Variants in DNAH6 observed in about 807,000 individuals in gnomAD.
DNAH6 encodes the protein dynein axonemal heavy chain 6, also known as axonemal beta dynein heavy chain 6.
Under a neutral mutation model 491.4 loss-of-function variants are expected in DNAH6, and 340 were observed. The ratio of observed to expected loss-of-function variants is 0.69; its 90% CI spans 0.63 to 0.76. The LOEUF (loss-of-function observed/expected upper bound fraction) is 0.76. Ranked by LOEUF, DNAH6 falls within the 30% of genes least tolerant of loss-of-function variation. DNAH6 has a pLI of 0.00. For missense variants in DNAH6, 4,443 were observed against 4,972.2 expected (o/e 0.89, Z 3.20); for synonymous variants, 1,603 against 1,686.1 (o/e 0.95, Z 1.21).
intron 70 of DNAH6, among the ~76,000 whole-genome samples, 192 bp from the exon 71 acceptor site, chr2:84,805,473 G>A (rs927638962): frequency 5.3e-5 from 8 of 152,286 alleles, no homozygotes; most frequent in Non-Finnish European, 1.2e-4. Flanking sequence ...CCTATAGTCA[G>A]CAATAATTAC....
In DNAH6 at chr2:84,529,186, G is replaced by A. The variant is rs1299177828; in HGVS notation, c.662+20G>A. 7 of 1,480,844 alleles carry A rather than the reference G, an allele frequency of 4.7e-6. No homozygotes were observed. In the East Asian group the frequency reaches 1.5e-4, roughly 32 times the overall value. The allele number at this position is 1,480,844 out of a possible 1,614,324, so 91.7% of individuals were successfully genotyped here. A position where few individuals can be genotyped will look rare whatever the true frequency, so the allele number is the denominator to read the frequency against. ...TCTAAAGTGAGTTATTTTTTATGAT[G>A]CAATTTAACATAAAAATTACAAATA... On this transcript the variant is annotated intron_variant, in intron 4 of 76. Transcript: ENST00000389394.
intron 64 of DNAH6, among the ~76,000 whole-genome samples, chr2:84,776,585 G>T (rs555846329): frequency 8.5e-5 from 13 of 152,326 alleles, no homozygotes; most frequent in African/African-American, 2.6e-4. Flanking sequence ...TCTAGTTCTA[G>T]ATCCTTGAGG....
chr2:84,702,771 C>T (rs967845729), intron 49 of DNAH6, among the ~76,000 whole-genome samples: 22 of 152,080 alleles, frequency 1.4e-4, no homozygotes, highest in African/African-American at 5.1e-4. Context: ...AATCTGACCT[C>T]GTGATCCGCC....
At chr2:84,790,375 A>G (rs1160906149) in intron 68 of DNAH6, among the ~76,000 whole-genome samples, 1 of 152,228 alleles carries the variant, frequency 6.6e-6, no homozygotes, top group Non-Finnish European at 1.5e-5. Context: ...CACAAAAAAG[A>G]AAAAATAAAT....
At chr2:84,517,542 A>G (rs1201277537) in intron 1 of DNAH6, among the ~76,000 whole-genome samples, 1 of 152,196 alleles carries the variant, frequency 6.6e-6, no homozygotes, top group African/African-American at 2.4e-5. Context: ...CCAGATGAGC[A>G]GCAGCAGCAG....
chr2:84,683,920 C>G (rs2104744867), intron 42 of DNAH6, among the ~76,000 whole-genome samples: 1 of 152,280 alleles, frequency 6.6e-6, no homozygotes, highest in South Asian at 2.1e-4. Context: ...TGGGAATGAA[C>G]TGGGAGATGC....
At chr2:84,798,486 G>A (rs1678550872) in intron 70 of DNAH6, among the ~76,000 whole-genome samples, 1 of 152,166 alleles carries the variant, frequency 6.6e-6, no homozygotes, top group African/African-American at 2.4e-5. Flanking sequence ...TTGCTGTGCT[G>A]TGCAGCTGCA....
At chr2:84,634,144 C>T (rs1688651122) in intron 29 of DNAH6, among the ~76,000 whole-genome samples, 1 of 152,126 alleles carries the variant, frequency 6.6e-6, no homozygotes, top group African/African-American at 2.4e-5. Context: ...TGAAAGCTTC[C>T]ATTAGTAAAA....
chr2:84,786,293 GCA>G (rs1677179805), intron 67 of DNAH6, among the ~76,000 whole-genome samples: 7 of 152,012 alleles, frequency 4.6e-5, no homozygotes. Context: ...AGGCATGGTG[GCA>G]CACACCTGTA....
At chr2:84,729,485 A>G (rs539963757) in intron 61 of DNAH6, among the ~76,000 whole-genome samples, 44 of 152,272 alleles carry the variant, frequency 2.9e-4, no homozygotes, top group Middle Eastern at 6.8e-3. Context: ...CTCTGCTTAC[A>G]GTTTTCTCAA....
chr2:84,478,291 C>T, the DNAH6 span, among the ~76,000 whole-genome samples: 1 of 152,214 alleles, frequency 6.6e-6, no homozygotes, highest in Non-Finnish European at 1.5e-5. Flanking sequence ...CAGCACAATT[C>T]TAAGAAAGAA....
At chr2:84,494,933 T>A in the DNAH6 span, among the ~76,000 whole-genome samples, 3 of 152,170 alleles carry the variant, frequency 2.0e-5, no homozygotes. Flanking sequence ...AGCTCTCAGG[T>A]GATGCCAATG....
intron 33 of DNAH6, among the ~76,000 whole-genome samples, chr2:84,652,419 TCTTA>T (rs1169417109): frequency 2.6e-5 from 4 of 152,110 alleles, no homozygotes; most frequent in African/African-American, 4.8e-5. Context: ...CCTATTGTAC[TCTTA>T]CTTATTGATT....
At chr2:84,677,487 C>T (rs1176587264) in intron 41 of DNAH6, among the ~76,000 whole-genome samples, 1 of 152,196 alleles carries the variant, frequency 6.6e-6, no homozygotes, top group African/African-American at 2.4e-5. Flanking sequence ...CATCTTATCC[C>T]TAACCACCAG....
intron 46 of DNAH6, among the ~76,000 whole-genome samples, chr2:84,697,161 A>G (rs1695468511): frequency 6.6e-6 from 1 of 152,190 alleles, no homozygotes; most frequent in South Asian, 2.1e-4. Flanking sequence ...TATGCCTAAA[A>G]TTGTTCTTAT....
rs1371380398 is a variant in DNAH6 at position 84,685,394 on chromosome 2, T to G, written c.6985T>G (p.Cys2329Gly). Residue 2329 changes from cysteine (C) to glycine (G), a missense_variant, in exon 43 of 77, where the codon TGC (cysteine) becomes GGC (glycine). By Grantham distance (159) the Cys-to-Gly change is radical. This residue lies in a region of DNAH6 where 2,977 missense variants were observed against 3,296.6 expected (regional missense o/e 0.90). Transcript: ENST00000389394. ...IQIFRLFCHECQRVFHDRLIN... is the reference protein window; with the variant it reads ...IQIFRLFCHEGQRVFHDRLIN... ...GATATTTAGACTCTTTTGCCATGAG[T>G]GCCAAAGGGTCTTCCATGATCGCTT... is the stretch of plus-strand genomic sequence containing the variant. 4.2e-5 allele frequency: 65 copies of G among 1,530,224 alleles called. No homozygotes were observed. Among genetic ancestry groups the G allele is most frequent in the Non-Finnish European group, 5.6e-5 (63 of 1,132,778 alleles). The allele number at this position is 1,530,224 out of a possible 1,614,324, so 94.8% of individuals were successfully genotyped here.
intron 51 of DNAH6, among the ~76,000 whole-genome samples, chr2:84,705,184 T>C (rs905563650): frequency 6.6e-6 from 1 of 152,212 alleles, no homozygotes; most frequent in Admixed American, 6.5e-5. Context: ...AGGTAAAATG[T>C]GAGTGCCTGC....
chr2:84,771,891 A>C (rs1675658707), intron 64 of DNAH6, among the ~76,000 whole-genome samples: 1 of 152,232 alleles, frequency 6.6e-6, no homozygotes, highest in Non-Finnish European at 1.5e-5. Context: ...CGAAGAAATA[A>C]ATAACACAAG....
At chr2:84,749,204 G>C (rs967739182) in intron 63 of DNAH6, among the ~76,000 whole-genome samples, 1 of 152,144 alleles carries the variant, frequency 6.6e-6, no homozygotes, top group Non-Finnish European at 1.5e-5. Flanking sequence ...TAGGAAGACA[G>C]AAAATAAGTT....
Sources: allele counts gnomAD v4.1 joint callset (sites outside exome capture counted in the v4.1 genomes callset), GRCh38; gene constraint gnomAD v4.1.1; regional missense constraint gnomAD v4.1.1; transcripts MANE v1.5; gene names NCBI Gene and HGNC (gene_info 2026-07-23, HGNC 2026-07-21).